SLC1A2: variants seen among roughly 807,000 people sequenced by gnomAD.
SLC1A2 encodes the protein excitatory amino acid transporter 2.
A neutral mutation model predicts 48.8 loss-of-function variants in SLC1A2; 15 were observed. The ratio of observed to expected loss-of-function variants is 0.31; its 90% CI spans 0.21 to 0.47. SLC1A2 has a LOEUF of 0.47. Ranked by LOEUF, SLC1A2 falls within the 20% of genes least tolerant of loss-of-function variation. The pLI is 0.99. For missense variants in SLC1A2, 502 were observed against 730.5 expected (o/e 0.69, Z 3.61); for synonymous variants, 279 against 272.6 (o/e 1.02, Z -0.23).
intron 1 of SLC1A2, among the ~76,000 whole-genome samples, chr11:35,317,788 T>G (rs1851931823): frequency 2.0e-5 from 3 of 152,182 alleles, no homozygotes; most frequent in Admixed American, 6.5e-5. Context: ...GGGAAGGAAG[T>G]TATCATGTTA....
chr11:35,302,486 G>A (rs1190488479), intron 5 of SLC1A2, among the ~76,000 whole-genome samples: 1 of 151,874 alleles, frequency 6.6e-6, no homozygotes, highest in African/African-American at 2.4e-5. Context: ...CAGCCTTTGG[G>A]GTCAATCCTA....
intron 1 of SLC1A2, among the ~76,000 whole-genome samples, chr11:35,414,847 G>A (rs1015351671): frequency 6.6e-6 from 1 of 152,234 alleles, no homozygotes; most frequent in East Asian, 1.9e-4. Flanking sequence ...GCAGGCGACT[G>A]AAATGAAGAA....
intron 1 of SLC1A2, among the ~76,000 whole-genome samples, chr11:35,366,193 A>G (rs1590233675): frequency 6.6e-6 from 1 of 152,264 alleles, no homozygotes; most frequent in Middle Eastern, 3.4e-3. Flanking sequence ...GGAGGATTAC[A>G]CTTCTCTATC....
chr11:35,345,863 A>T (rs1853012083), intron 1 of SLC1A2, among the ~76,000 whole-genome samples: 2 of 152,210 alleles, frequency 1.3e-5, no homozygotes, highest in Admixed American at 1.3e-4. Flanking sequence ...TGTACCAATA[A>T]TTATTTTAAA....
At chr11:35,370,888 A>C in intron 1 of SLC1A2, 1 of 929,092 alleles carries the variant, frequency 1.1e-6, no homozygotes, top group Non-Finnish European at 1.3e-6. Flanking sequence ...GCCCAGGAAA[A>C]GAAAAGATGG....
At chr11:35,300,757 T>C (rs1389166258) in intron 6 of SLC1A2, among the ~76,000 whole-genome samples, 1 of 152,216 alleles carries the variant, frequency 6.6e-6, no homozygotes, top group Non-Finnish European at 1.5e-5. Flanking sequence ...GGCTCATGCC[T>C]ATAATCCCAG....
rs1852678908 is a variant in SLC1A2 at position 35,337,548 on chromosome 11, AATATC to A, written c.18-20037_18-20033del. Among the ~76,000 whole-genome samples the A allele has an allele frequency of 2.6e-5, 4 of 152,136 alleles. No homozygotes were observed. In the South Asian group the frequency reaches 8.3e-4, roughly 32 times the overall value. On this transcript the variant is annotated intron_variant, in intron 1 of 10. Coordinates refer to ENST00000278379, the MANE Select transcript of SLC1A2 (RefSeq NM_004171.4). ...CTCAGTATGGATCCAAAACTCAAGG[AATATC>A]TATCTAACTACACCTGCATGTTCAA...
chr11:35,323,735 C>T (rs1852150672), intron 1 of SLC1A2, among the ~76,000 whole-genome samples: 1 of 152,180 alleles, frequency 6.6e-6, no homozygotes, highest in African/African-American at 2.4e-5. Flanking sequence ...AGCGACAAAC[C>T]AACAGCAACA....
chr11:35,267,601 T>A (rs997068820), intron 9 of SLC1A2, among the ~76,000 whole-genome samples: 2 of 152,148 alleles, frequency 1.3e-5, no homozygotes, highest in African/African-American at 4.8e-5. Context: ...AGCACAACAA[T>A]TCCTATGGCA....
In SLC1A2 at chr11:35,351,826, G is replaced by C. The variant is rs188532881; in HGVS notation, c.18-34310C>G. Among the ~76,000 whole-genome samples, 1,062 of 152,080 alleles carry C rather than the reference G, an allele frequency of 7.0e-3. 15 individuals are homozygous for C. Among genetic ancestry groups the C allele is most frequent in the South Asian group, 0.034 (166 of 4,814 alleles). The stretch of plus-strand genomic sequence containing the variant: ...AATTTTTGTATTTTTAGTAGAGACG[G>C]GGTTTCACCATATTGGCCAGGCTGG... On this transcript the variant is annotated intron_variant, in intron 1 of 10. Transcript: ENST00000278379.
chr11:35,418,162 C>A (rs189672473), intron 1 of SLC1A2, among the ~76,000 whole-genome samples: 25 of 152,292 alleles, frequency 1.6e-4, no homozygotes, highest in African/African-American at 5.3e-4. Flanking sequence ...ATCCTTTTGC[C>A]CCCTGCAGCC....
chr11:35,351,961 A>G (rs373612162), intron 1 of SLC1A2, among the ~76,000 whole-genome samples: 72 of 152,318 alleles, frequency 4.7e-4, no homozygotes, highest in African/African-American at 1.4e-3. Context: ...AAAATTGTAC[A>G]TTGCATCGAG....
intron 10 of SLC1A2, among the ~76,000 whole-genome samples, chr11:35,263,559 C>T (rs183755304): frequency 7.9e-5 from 12 of 152,306 alleles, no homozygotes; most frequent in African/African-American, 1.7e-4. Flanking sequence ...GACATCTCCA[C>T]GCCCACACCT....
At chr11:35,413,516 A>G (rs1855525562) in intron 1 of SLC1A2, among the ~76,000 whole-genome samples, 1 of 152,226 alleles carries the variant, frequency 6.6e-6, no homozygotes, top group Admixed American at 6.5e-5. Context: ...GTACCAAGAT[A>G]AAAGGGAAGG....
At chr11:35,396,639 C>G (rs1390234316) in intron 1 of SLC1A2, among the ~76,000 whole-genome samples, 1 of 152,114 alleles carries the variant, frequency 6.6e-6, no homozygotes, top group Non-Finnish European at 1.5e-5. Context: ...CCTGTTCACT[C>G]TGATGGTAGT....
intron 6 of SLC1A2, among the ~76,000 whole-genome samples, chr11:35,300,624 T>C (rs1237279057): frequency 6.6e-6 from 1 of 152,154 alleles, no homozygotes; most frequent in African/African-American, 2.4e-5. Context: ...GGGTGAGCAA[T>C]AAATTCCTAT....
chr11:35,376,423 T>C (rs764016254), intron 1 of SLC1A2, among the ~76,000 whole-genome samples: 1 of 152,198 alleles, frequency 6.6e-6, no homozygotes, highest in East Asian at 1.9e-4. Context: ...TGCTCTATGG[T>C]TATGTAATAC....
At chr11:35,268,662 C>CAA (rs56207184) in intron 9 of SLC1A2, among the ~76,000 whole-genome samples, 1 of 94,540 alleles carries the variant, frequency 1.1e-5, no homozygotes, top group Non-Finnish European at 2.2e-5. Context: ...GACTCTGCCT[C>CAA]AAAAAAAAAA....
At chr11:35,411,027 G>A (rs1000859549) in intron 1 of SLC1A2, among the ~76,000 whole-genome samples, 4 of 152,160 alleles carry the variant, frequency 2.6e-5, no homozygotes, top group African/African-American at 4.8e-5. Flanking sequence ...AATAGATAAT[G>A]AGTTCTACAT....
Sources: gnomAD v4.1 joint callset for allele counts (sites outside exome capture counted in the v4.1 genomes callset) on GRCh38, gnomAD v4.1.1 for gene constraint, MANE v1.5 for transcripts, NCBI Gene and HGNC (gene_info 2026-07-23, HGNC 2026-07-21) for gene names.